Variants in EED observed in about 807,000 individuals in gnomAD.
EED encodes the protein embryonic ectoderm development, also known as polycomb protein EED.
A neutral mutation model predicts 61.0 loss-of-function variants in EED; 9 were observed. The ratio of observed to expected loss-of-function variants is 0.15; its 90% CI spans 0.09 to 0.26. EED has a LOEUF of 0.26. EED is among the 10% of genes least tolerant of loss of function. EED has a pLI of 1.00. For synonymous variants in EED, 187 were observed against 174.4 expected (o/e 1.07, Z -0.57); for missense variants, 315 against 542.3 (o/e 0.58, Z 4.16).
chr11:86,266,958 C>T (rs6592279), intron 8 of EED, among the ~76,000 whole-genome samples: 61,968 of 151,938 alleles, frequency 0.41, 12,766 homozygotes, highest in East Asian at 0.51. Context: ...AATTTGTAAG[C>T]ATCAGTAAAT....
rs368695854 is a variant in EED, at chr11:86,252,140, T to C, written c.268-8T>C. 8.1e-6 allele frequency: 13 copies of C among 1,604,024 alleles called. No homozygotes were observed. The African/African-American group carries it at 1.3e-4, about 17-fold the overall frequency. Reference sequence around the variant, plus strand: ...TTAATCTTTTCTTATTTCATGATTATTTTATAGGAAGATCATAACCAACCA... The same window carrying C: ...TTAATCTTTTCTTATTTCATGATTACTTTATAGGAAGATCATAACCAACCA... On this transcript the variant is annotated splice_region_variant and splice_polypyrimidine_tract_variant and intron_variant, in intron 2 of 11. Coordinates refer to ENST00000263360, the MANE Select transcript of EED (RefSeq NM_003797.5).
intron 6 of EED, among the ~76,000 whole-genome samples, chr11:86,262,855 C>G (rs1945869289): frequency 6.7e-6 from 1 of 150,224 alleles, no homozygotes; most frequent in Non-Finnish European, 1.5e-5. Flanking sequence ...GTCTCTGTCA[C>G]CCAGGCAGTG....
chr11:86,266,930 A>G (rs1356944107), intron 8 of EED, among the ~76,000 whole-genome samples: 1 of 152,188 alleles, frequency 6.6e-6, no homozygotes, highest in Non-Finnish European at 1.5e-5. Flanking sequence ...ATCAAGCCAG[A>G]TTGTTAATAG....
intron 10 of EED, 104 bp downstream of exon 10, chr11:86,277,242 C>T (rs1187806986): frequency 9.1e-7 from 1 of 1,098,994 alleles, no homozygotes; most frequent in Non-Finnish European, 1.3e-6. Flanking sequence ...TACAAATCTA[C>T]CCTGATGTTT....
At chr11:86,273,866 A>G (rs1297964122) in intron 9 of EED, among the ~76,000 whole-genome samples, 1 of 152,058 alleles carries the variant, frequency 6.6e-6, no homozygotes, top group East Asian at 1.9e-4. Context: ...GCATGAGTAT[A>G]TTTAGTTTGA....
rs369518386 is a variant in EED at position 86,272,218 on chromosome 11, C to T, written c.966+3657C>T. 4.8e-4 allele frequency among the ~76,000 whole-genome samples: 72 copies of T among 148,780 alleles called. No individual in the cohort carries two copies. The East Asian group carries it at 5.9e-3, about 12-fold the overall frequency. On this transcript the variant is annotated intron_variant, in intron 9 of 11. Coordinates refer to ENST00000263360, the MANE Select transcript of EED (RefSeq NM_003797.5). ...GACTACAGGAGCCTGCCACCACACC[C>T]GGCTAATTTTTTTATGTTTTTAGTA... is the stretch of plus-strand genomic sequence containing the variant.
At chr11:86,287,476 C>A in the EED span, among the ~76,000 whole-genome samples, 6 of 152,316 alleles carry the variant, frequency 3.9e-5, no homozygotes, top group African/African-American at 1.4e-4. Flanking sequence ...AAAGCAGATT[C>A]ATTTTGCCTT....
intron 6 of EED, among the ~76,000 whole-genome samples, chr11:86,259,371 G>T (rs553714855): frequency 7.6e-6 from 1 of 130,932 alleles, no homozygotes; most frequent in South Asian, 2.6e-4. Flanking sequence ...TGGAGACAGG[G>T]TCTTGCCCAG....
intron 9 of EED, among the ~76,000 whole-genome samples, chr11:86,271,628 G>A (rs550729037): frequency 4.6e-5 from 7 of 152,248 alleles, no homozygotes; most frequent in Non-Finnish European, 8.8e-5. Flanking sequence ...TTGTTTTGTA[G>A]ATATTCTCTA....
chr11:86,263,959 A>C, intron 6 of EED: 1 of 515,770 alleles, frequency 1.9e-6, no homozygotes, highest in Non-Finnish European at 3.5e-6. Flanking sequence ...TTTCTAGCAC[A>C]TGCTTTTGGG....
At chr11:86,250,968 T>C (rs1945517353) in intron 2 of EED, among the ~76,000 whole-genome samples, 1 of 152,106 alleles carries the variant, frequency 6.6e-6, no homozygotes, top group Non-Finnish European at 1.5e-5. Flanking sequence ...GTTTTGGTTA[T>C]TTAAATTAAT....
chr11:86,277,463 T>A (rs1226923293), intron 10 of EED: 1 of 193,820 alleles, frequency 5.2e-6, no homozygotes, highest in Non-Finnish European at 1.0e-5. Context: ...AGATTGTCAG[T>A]CTACCTATGT....
intron 6 of EED, among the ~76,000 whole-genome samples, chr11:86,261,505 T>G (rs964235874): frequency 2.6e-5 from 4 of 152,210 alleles, no homozygotes; most frequent in African/African-American, 9.7e-5. Context: ...CCCTGGTAGC[T>G]CAGCAGTTCT....
intron 4 of EED, among the ~76,000 whole-genome samples, chr11:86,256,090 A>G (rs547273068): frequency 6.6e-6 from 1 of 152,308 alleles, no homozygotes; most frequent in South Asian, 2.1e-4. Context: ...TTTTGAACAC[A>G]ACCATGCCCA....
chr11:86,269,715 T>C (rs1184425419), intron 9 of EED, among the ~76,000 whole-genome samples: 1 of 152,216 alleles, frequency 6.6e-6, no homozygotes, highest in Non-Finnish European at 1.5e-5. Context: ...TTTAGTTTTA[T>C]GTCATTTTAT....
At chr11:86,281,568 T>TC (rs1172206509), downstream of EED, among the ~76,000 whole-genome samples, 1 of 152,202 alleles carries the variant, frequency 6.6e-6, no homozygotes, top group Non-Finnish European at 1.5e-5. Flanking sequence ...GCTATAAACT[T>TC]CCCTCTTAAA....
At chr11:86,283,916 A>G in the EED span, 1 of 151,924 alleles carries the variant, frequency 6.6e-6, no homozygotes, top group Non-Finnish European at 1.5e-5. Context: ...CTTACTTGCT[A>G]CCAGGATACT....
intron 6 of EED, among the ~76,000 whole-genome samples, chr11:86,261,345 CCATGTTTTGCCTTCTGGG>C (rs966200638): frequency 7.9e-5 from 12 of 152,230 alleles, no homozygotes; most frequent in African/African-American, 2.9e-4. Flanking sequence ...TTCCTTGGCT[CCATGTTTTGCCTTCTGGG>C]CATGCTGGGT....
rs529873493 is a variant in EED at position 86,247,800 on chromosome 11, A to G, written c.114+2457A>G. Among the ~76,000 whole-genome samples the G allele has an allele frequency of 1.3e-5, 2 of 152,318 alleles. 1 individual carries two copies. The highest frequency in any genetic ancestry group is 4.1e-4 in the South Asian group (2 of 4,820). The stretch of plus-strand genomic sequence containing the variant: ...AAATAATGGCAAAAGGCCAAAGCAG[A>G]TGGGGTGTGGGGGAATATGTTTTTG... On this transcript the variant is annotated intron_variant, in intron 1 of 11. Coordinates refer to ENST00000263360, the MANE Select transcript of EED (RefSeq NM_003797.5).
Sources: allele counts gnomAD v4.1 joint callset (sites outside exome capture counted in the v4.1 genomes callset), GRCh38; gene constraint gnomAD v4.1.1; transcripts MANE v1.5; gene names NCBI Gene and HGNC (gene_info 2026-07-23, HGNC 2026-07-21).